GPC5: variants seen among roughly 807,000 people sequenced by gnomAD.
GPC5 encodes the protein glypican 5.
GPC5 carries 47 observed loss-of-function variants against 53.9 expected under a neutral mutation model. The observed-to-expected ratio is 0.87, with a 90% CI of 0.69 to 1.11. GPC5 has a LOEUF of 1.11. Ranked by LOEUF, GPC5 falls within the 50% of genes most tolerant of loss-of-function variation. The pLI is 0.00. For missense variants in GPC5, 748 were observed against 713.1 expected, an observed-to-expected ratio of 1.05 and a Z score of -0.56; for synonymous variants, 286 against 263.3, an observed-to-expected ratio of 1.09 and a Z score of -0.84.
chr13:91,729,360 G>A (rs2036645428), intron 4 of GPC5, among the ~76,000 whole-genome samples: 1 of 151,916 alleles, frequency 6.6e-6, no homozygotes, highest in African/African-American at 2.4e-5. Context: ...ATTATTATAT[G>A]TGTGTGTGTT....
intron 7 of GPC5, among the ~76,000 whole-genome samples, chr13:92,619,517 A>G (rs904588966): frequency 6.6e-6 from 1 of 152,020 alleles, no homozygotes; most frequent in Non-Finnish European, 1.5e-5. Context: ...TTCAAGTAAC[A>G]TGCATTTTCT....
intron 6 of GPC5, among the ~76,000 whole-genome samples, chr13:91,993,052 A>C (rs2040471257): frequency 6.6e-6 from 1 of 152,220 alleles, no homozygotes; most frequent in African/African-American, 2.4e-5. Flanking sequence ...GTAAATTTCA[A>C]AATTTTCTGT....
intron 7 of GPC5, among the ~76,000 whole-genome samples, chr13:92,589,177 G>A (rs1883638568): frequency 6.6e-6 from 1 of 152,208 alleles, no homozygotes. Flanking sequence ...CTGTTCCCAT[G>A]AAGCTGTTTG....
chr13:91,689,187 ATATAT>A (rs2035691546), intron 2 of GPC5, among the ~76,000 whole-genome samples: 1 of 21,618 alleles, frequency 4.6e-5, no homozygotes, highest in Non-Finnish European at 9.1e-5. Context: ...ATATATAAAT[ATATAT>A]ATATATATAT....
rs1317886594 is a variant in GPC5, at chr13:91,813,933, T to TG, written c.1280+57513_1280+57514insG. On this transcript the variant is annotated intron_variant, in intron 5 of 7. Coordinates refer to ENST00000377067, the MANE Select transcript of GPC5 (RefSeq NM_004466.6). The stretch of plus-strand genomic sequence containing the variant: ...TTATCTTAACTGATTTTTTTTTTTT[T>TG]TTTTTTTTTTTTTTTTTGAGACAGA... Among the ~76,000 whole-genome samples the TG allele has an allele frequency of 1.1e-4, 13 of 117,490 alleles. No homozygotes were observed. In the East Asian group the frequency reaches 5.1e-3, roughly 46 times the overall value. The allele number at this position is 117,490 out of a possible 152,430, so 77.1% of individuals were successfully genotyped here.
intron 2 of GPC5, among the ~76,000 whole-genome samples, chr13:91,647,551 CCT>C (rs1227618803): frequency 2.6e-5 from 4 of 152,194 alleles, no homozygotes; most frequent in African/African-American, 7.2e-5. Flanking sequence ...CGTGCTGCCC[CCT>C]GTCGGGCATC....
At chr13:92,546,755 T>C (rs1280921007) in intron 7 of GPC5, among the ~76,000 whole-genome samples, 1 of 152,224 alleles carries the variant, frequency 6.6e-6, no homozygotes, top group Non-Finnish European at 1.5e-5. Context: ...TCACGCTACC[T>C]GACTTCAAAC....
chr13:92,693,377 A>G (rs1887470373), intron 7 of GPC5, among the ~76,000 whole-genome samples: 1 of 152,172 alleles, frequency 6.6e-6, no homozygotes, highest in Non-Finnish European at 1.5e-5. Flanking sequence ...CGAACTTCCT[A>G]GAGACTTGTT....
intron 7 of GPC5, among the ~76,000 whole-genome samples, chr13:92,268,812 T>G (rs1382745201): frequency 1.3e-5 from 2 of 152,142 alleles, no homozygotes; most frequent in African/African-American, 2.4e-5. Context: ...GTGAATACTT[T>G]TTCTTATGTC....
intron 7 of GPC5, among the ~76,000 whole-genome samples, chr13:92,336,266 A>C (rs1393058688): frequency 6.6e-6 from 1 of 152,222 alleles, no homozygotes; most frequent in African/African-American, 2.4e-5. Context: ...GATTTAAAGT[A>C]AATACATATT....
chr13:92,454,019 A>T (rs776880755), intron 7 of GPC5, among the ~76,000 whole-genome samples: 3 of 152,206 alleles, frequency 2.0e-5, no homozygotes, highest in African/African-American at 7.2e-5. Context: ...CAGGGTCAGA[A>T]ATAAACCCTC....
chr13:92,075,617 A>C (rs1403335995), intron 6 of GPC5, among the ~76,000 whole-genome samples: 1 of 152,212 alleles, frequency 6.6e-6, no homozygotes, highest in South Asian at 2.1e-4. Context: ...TTTTTAATAC[A>C]TAAGAGATTA....
In GPC5 at chr13:92,297,919, A is replaced by T. The variant is rs367859134; in HGVS notation, c.1561+152930A>T. Among the ~76,000 whole-genome samples, 50 of 152,152 alleles carry T rather than the reference A, an allele frequency of 3.3e-4. No homozygotes were observed. The East Asian group carries it at 5.0e-3, about 15-fold the overall frequency. On this transcript the variant is annotated intron_variant, in intron 7 of 7. Coordinates refer to ENST00000377067, the MANE Select transcript of GPC5 (RefSeq NM_004466.6). Reference sequence around the variant, plus strand: ...CAGCTTCACTCCTGAGCCCAGCGAGAACACGAGCCCACTGGGAGGAACGAA... The same window carrying T: ...CAGCTTCACTCCTGAGCCCAGCGAGTACACGAGCCCACTGGGAGGAACGAA...
At chr13:92,529,114 A>G (rs992072955) in intron 7 of GPC5, among the ~76,000 whole-genome samples, 1 of 152,180 alleles carries the variant, frequency 6.6e-6, no homozygotes, top group African/African-American at 2.4e-5. Flanking sequence ...TACTTCATAA[A>G]AAAACAAGAG....
At chr13:91,673,781 A>G (rs1022641642) in intron 2 of GPC5, among the ~76,000 whole-genome samples, 1 of 152,206 alleles carries the variant, frequency 6.6e-6, no homozygotes, top group African/African-American at 2.4e-5. Flanking sequence ...TAATAGAAAA[A>G]TTATAGAAAC....
intron 7 of GPC5, among the ~76,000 whole-genome samples, chr13:92,467,341 T>C (rs1878737250): frequency 6.6e-6 from 1 of 152,142 alleles, no homozygotes; most frequent in Admixed American, 6.6e-5. Context: ...TTCTGAATAA[T>C]CAAACTGGAA....
In GPC5 at chr13:92,347,886, A is replaced by G. The variant is rs1175157193; in HGVS notation, c.1561+202897A>G. On this transcript the variant is annotated intron_variant, in intron 7 of 7. Transcript: ENST00000377067. ...ATATTATATATATAATATATATTAT[A>G]TATATTATATATATAATATATATAT... is the stretch of plus-strand genomic sequence containing the variant. 3.1e-4 allele frequency among the ~76,000 whole-genome samples: 6 copies of G among 19,472 alleles called. 3 individuals carry two copies. The highest frequency in any genetic ancestry group is 2.6e-3 in the African/African-American group (6 of 2,296). The allele number at this position is 19,472 out of a possible 152,430, so 12.8% of individuals were successfully genotyped here. A position where few individuals can be genotyped will look rare whatever the true frequency, so the allele number is the denominator to read the frequency against.
At chr13:91,789,806 A>T (rs1566685409) in intron 5 of GPC5, among the ~76,000 whole-genome samples, 1 of 152,190 alleles carries the variant, frequency 6.6e-6, no homozygotes, top group Non-Finnish European at 1.5e-5. Flanking sequence ...GTGACTTCAC[A>T]CTATAGGCTG....
At chr13:92,309,193 G>A (rs1209320219) in intron 7 of GPC5, among the ~76,000 whole-genome samples, 1 of 152,076 alleles carries the variant, frequency 6.6e-6, no homozygotes, top group Non-Finnish European at 1.5e-5. Flanking sequence ...AAGGTAAAAT[G>A]TGCAATTTCT....
Sources: gnomAD v4.1 joint callset for allele counts (sites outside exome capture counted in the v4.1 genomes callset) on GRCh38, gnomAD v4.1.1 for gene constraint, MANE v1.5 for transcripts, NCBI Gene and HGNC (gene_info 2026-07-23, HGNC 2026-07-21) for gene names.